Variants in TSPEAR observed in about 807,000 individuals in gnomAD.
TSPEAR encodes thrombospondin-type laminin G domain and EAR repeat-containing protein.
A neutral mutation model predicts 71.6 loss-of-function variants in TSPEAR; 69 were observed. The ratio of observed to expected loss-of-function variants is 0.96; its 90% CI spans 0.79 to 1.18. TSPEAR has a LOEUF of 1.18. TSPEAR is among the 50% of genes most tolerant of loss of function. TSPEAR has a pLI of 0.00. For synonymous variants in TSPEAR, 402 were observed against 387.2 expected (o/e 1.04, Z -0.45); for missense variants, 971 against 894.9 (o/e 1.09, Z -1.09).
chr21:44,508,524 G>A, intron 10 of TSPEAR: 2 of 1,106,416 alleles, frequency 1.8e-6, no homozygotes, highest in Non-Finnish European at 1.1e-6. Flanking sequence ...TCGATTGCAG[G>A]TTTATTCACA....
chr21:44,603,055 G>C (rs1031229468), intron 1 of TSPEAR, among the ~76,000 whole-genome samples: 10 of 43,296 alleles, frequency 2.3e-4, no homozygotes, highest in East Asian at 5.6e-4. Context: ...TGCTCCAGAG[G>C]GGGTGGAGAC....
intron 1 of TSPEAR, among the ~76,000 whole-genome samples, chr21:44,631,081 G>GA (rs4050977): frequency 6.6e-5 from 10 of 150,772 alleles, no homozygotes; most frequent in East Asian, 1.9e-4. Flanking sequence ...AGTAAAGAAA[G>GA]AAAAAAAAGC....
At chr21:44,532,891 A>G (rs2053001266) in intron 3 of TSPEAR, among the ~76,000 whole-genome samples, 1 of 152,216 alleles carries the variant, frequency 6.6e-6, no homozygotes, top group African/African-American at 2.4e-5. Flanking sequence ...AGTTTCTGTC[A>G]ACATCTGCTC....
intron 1 of TSPEAR, chr21:44,580,085 G>A (rs1555924759): frequency 6.2e-7 from 1 of 1,613,710 alleles, no homozygotes; most frequent in Non-Finnish European, 8.5e-7. Context: ...GCAGGGGGAG[G>A]AGGTGCAGCA....
rs587678058 is a variant in TSPEAR at position 44,551,122 on chromosome 21, C to A, written c.303+16663G>T. On this transcript the variant is annotated intron_variant, in intron 2 of 11. Coordinates refer to ENST00000323084, the MANE Select transcript of TSPEAR (RefSeq NM_144991.3). ...CAGCATGAAGAAGCCCCACAGCAGA[C>A]GGGCACACAGCACACAGGCTTGCAG... 1.9e-6 allele frequency: 3 copies of A among 1,559,244 alleles called. No homozygotes were observed. In the East Asian group the frequency reaches 7.1e-5, roughly 37 times the overall value.
At chr21:44,515,514 C>T (rs1263141025) in intron 9 of TSPEAR, 2 of 152,380 alleles carry the variant, frequency 1.3e-5, no homozygotes, top group African/African-American at 4.8e-5. Context: ...TCACCCACCC[C>T]TTGGGACTTC....
rs587666031 is a variant in TSPEAR, at chr21:44,655,230, G to T, written c.82+56203C>A. 1.3e-4 allele frequency among the ~76,000 whole-genome samples: 8 copies of T among 62,456 alleles called. No individual in the cohort carries two copies. The South Asian group carries it at 4.2e-3, about 33-fold the overall frequency. 41.0% of individuals were successfully genotyped at this position (62,456 alleles called of 152,430 possible). On this transcript the variant is annotated intron_variant, in intron 1 of 11. Coordinates refer to ENST00000323084, the MANE Select transcript of TSPEAR (RefSeq NM_144991.3). Reference sequence around the variant, plus strand: ...TAAGTCATAGAGGGTTTGCACAATGGGTGCGTGTCTGCACCACTGCAGAGG... The same window carrying T: ...TAAGTCATAGAGGGTTTGCACAATGTGTGCGTGTCTGCACCACTGCAGAGG...
At chr21:44,515,154 C>T (rs1048717168) in intron 9 of TSPEAR, among the ~76,000 whole-genome samples, 9 of 152,208 alleles carry the variant, frequency 5.9e-5, no homozygotes, top group Admixed American at 5.2e-4. Context: ...TCAAACCAAA[C>T]AGTAAACAAA....
rs782475528 is a variant in TSPEAR at position 44,506,853 on chromosome 21, A to G, written c.1755-1972T>C. 1 of 152,182 alleles carries G rather than the reference A, an allele frequency of 6.6e-6. No homozygotes were observed. The highest frequency in any genetic ancestry group is 1.5e-5 in the Non-Finnish European group (1 of 68,048). The allele number at this position is 152,182 out of a possible 1,614,324, so 9.4% of individuals were successfully genotyped here. A position where few individuals can be genotyped will look rare whatever the true frequency, so the allele number is the denominator to read the frequency against. ...ATCCTGTCCGGCTGCACCGAGGCTCACATCAGAAGCCGGCTTCGGTTTCAC... is the reference window on the plus strand; with the variant it reads ...ATCCTGTCCGGCTGCACCGAGGCTCGCATCAGAAGCCGGCTTCGGTTTCAC... On this transcript the variant is annotated intron_variant, in intron 10 of 11. Transcript: ENST00000323084. This position sits in a 1 kb window ranked among gnomAD's most constrained non-coding sequence, Gnocchi z 4.2.
intron 2 of TSPEAR, among the ~76,000 whole-genome samples, chr21:44,555,656 CGG>C (rs71920173): frequency 0.035 from 5,284 of 152,068 alleles, 275 homozygotes; most frequent in African/African-American, 0.12. Context: ...TCCCCCACCC[CGG>C]CCACACACAC....
At chr21:44,601,610 C>T (rs782545061) in intron 1 of TSPEAR, 30 of 1,613,508 alleles carry the variant, frequency 1.9e-5, no homozygotes, top group Middle Eastern at 3.3e-4. Flanking sequence ...TCCTGCTGCG[C>T]CCCCACCTCC....
At chr21:44,611,748 C>T (rs1275548509) in intron 1 of TSPEAR, among the ~76,000 whole-genome samples, 2 of 152,154 alleles carry the variant, frequency 1.3e-5, no homozygotes, top group Admixed American at 1.3e-4. Context: ...CAGGCAAAGA[C>T]AGGAGGAAAG....
chr21:44,572,861 ACACACACAC>A (rs2146082235), intron 1 of TSPEAR, among the ~76,000 whole-genome samples: 1 of 151,202 alleles, frequency 6.6e-6, no homozygotes, highest in East Asian at 2.0e-4. Flanking sequence ...ACACACACAC[ACACACACAC>A]ACACACACAC....
At chr21:44,656,771 G>A (rs78662628) in intron 1 of TSPEAR, among the ~76,000 whole-genome samples, 1,693 of 152,076 alleles carry the variant, frequency 0.011, 19 homozygotes, top group Non-Finnish European at 0.016. Flanking sequence ...GTTCAGTATC[G>A]CTCTCTTCTC....
chr21:44,594,241 C>T (rs1980203870), intron 1 of TSPEAR, among the ~76,000 whole-genome samples: 1 of 152,076 alleles, frequency 6.6e-6, no homozygotes, highest in South Asian at 2.1e-4. Context: ...TGACGGATGG[C>T]TAACACATAA....
chr21:44,541,780 T>A (rs1261781816), intron 2 of TSPEAR, among the ~76,000 whole-genome samples: 1 of 152,206 alleles, frequency 6.6e-6, no homozygotes, highest in Admixed American at 6.5e-5. Flanking sequence ...CCAGAAAGAA[T>A]GAAACCTATC....
intron 1 of TSPEAR, among the ~76,000 whole-genome samples, chr21:44,577,348 G>A (rs770201978): frequency 3.3e-5 from 5 of 152,214 alleles, no homozygotes; most frequent in African/African-American, 4.8e-5. Context: ...GGCAATTTAT[G>A]AGGAAAGGCC....
chr21:44,709,572 C>A (rs1427739756), intron 1 of TSPEAR, among the ~76,000 whole-genome samples: 4 of 152,246 alleles, frequency 2.6e-5, no homozygotes, highest in African/African-American at 9.6e-5. Flanking sequence ...AGACCCGAAC[C>A]CCCAGCCTCG....
rs1982835900 is a variant in TSPEAR at position 44,627,019 on chromosome 21, A to G, written c.83-59014T>C. ...TGGCAGACGCCGCCTCTCAGCAACA[A>G]GGAAGGGGAAGCTGTGGGCCCTGGA... On this transcript the variant is annotated intron_variant, in intron 1 of 11. Coordinates refer to ENST00000323084, the MANE Select transcript of TSPEAR (RefSeq NM_144991.3). 36 of 1,239,206 alleles carry G rather than the reference A, an allele frequency of 2.9e-5. 3 individuals are homozygous for G. The South Asian group carries it at 5.2e-4, about 18-fold the overall frequency. The allele number at this position is 1,239,206 out of a possible 1,614,324, so 76.8% of individuals were successfully genotyped here.
Sources: gnomAD v4.1 joint callset for allele counts (sites outside exome capture counted in the v4.1 genomes callset) on GRCh38, gnomAD v4.1.1 for gene constraint, Gnocchi (gnomAD v3.1) non-coding constraint, MANE v1.5 for transcripts, NCBI Gene and HGNC (gene_info 2026-07-23, HGNC 2026-07-21) for gene names.